Variants in MYO3B observed in about 807,000 individuals in gnomAD.
The protein encoded by MYO3B is myosin-IIIb.
MYO3B carries 156 observed loss-of-function variants against 174.6 expected under a neutral mutation model. The observed-to-expected ratio is 0.89, with a 90% confidence interval of 0.78 to 1.02. The LOEUF is 1.02. Ranked by LOEUF, MYO3B falls within the 50% of genes least tolerant of loss-of-function variation. The pLI is 0.00. For synonymous variants in MYO3B, 563 were observed against 569.1 expected (o/e 0.99, Z 0.15); for missense variants, 1,632 against 1,639.4 (o/e 1.00, Z 0.08).
At chr2:170,624,415 T>G (rs189892144) in intron 32 of MYO3B, among the ~76,000 whole-genome samples, 182 of 152,346 alleles carry the variant, frequency 1.2e-3, no homozygotes, top group African/African-American at 4.2e-3. Context: ...ACGTTGATTT[T>G]GTATCCTGAG....
intron 32 of MYO3B, chr2:170,640,340 G>A (rs1404618827): frequency 1.3e-5 from 2 of 152,152 alleles, no homozygotes; most frequent in South Asian, 2.1e-4. Flanking sequence ...TAATGCCTCT[G>A]GCACCATGTT....
At chr2:170,301,514 A>T (rs1441972935) in intron 7 of MYO3B, among the ~76,000 whole-genome samples, 2 of 152,174 alleles carry the variant, frequency 1.3e-5, no homozygotes, top group African/African-American at 4.8e-5. Flanking sequence ...ATTTCTCTCC[A>T]TTCACACTCT....
intron 34 of MYO3B, 105 bp downstream of exon 34, chr2:170,652,259 A>G (rs1699061605): frequency 2.1e-6 from 2 of 932,554 alleles, no homozygotes; most frequent in Non-Finnish European, 3.3e-6. Flanking sequence ...AAAATATGCA[A>G]TCCAGATATT....
At chr2:170,225,521 C>A (rs1420972329) in intron 6 of MYO3B, among the ~76,000 whole-genome samples, 1 of 151,952 alleles carries the variant, frequency 6.6e-6, no homozygotes, top group Non-Finnish European at 1.5e-5. Context: ...TAATTAATGC[C>A]CAAGAGAAGG....
chr2:170,499,886 T>C (rs1687127635), intron 27 of MYO3B, 78 bp downstream of exon 27: 2 of 1,409,502 alleles, frequency 1.4e-6, no homozygotes, highest in East Asian at 2.3e-5. Context: ...CAACTGTTTC[T>C]CTTCTAAGTG....
chr2:170,231,030 C>T (rs561919427), intron 6 of MYO3B, among the ~76,000 whole-genome samples: 17 of 152,188 alleles, frequency 1.1e-4, no homozygotes, highest in Non-Finnish European at 2.2e-4. Flanking sequence ...TTTTCTCTGC[C>T]ATTTTCTGGC....
In MYO3B at chr2:170,310,686, A is replaced by AAAAAAAAAAG. The variant is rs1394362887; in HGVS notation, c.750-24698_750-24697insAAAAAAAAGA. On this transcript the variant is annotated intron_variant, in intron 7 of 34. Coordinates refer to ENST00000408978, the MANE Select transcript of MYO3B (RefSeq NM_138995.5). ...ATCTCAAAAAAAAAAAAAAAAAAAAAAGAAATACATTGGTTTGGTCCAGAA... is the reference window on the plus strand; with the variant it reads ...ATCTCAAAAAAAAAAAAAAAAAAAAAAAAAAAAAAGAGAAATACATTGGTTTGGTCCAGAA... 1.3e-3 allele frequency among the ~76,000 whole-genome samples: 202 copies of AAAAAAAAAAG among 150,932 alleles called. 2 individuals carry two copies. Among genetic ancestry groups the AAAAAAAAAAG allele is most frequent in the African/African-American group, 4.7e-3 (193 of 40,846 alleles).
chr2:170,328,526 G>A (rs955400472), intron 7 of MYO3B, among the ~76,000 whole-genome samples: 7 of 151,860 alleles, frequency 4.6e-5, no homozygotes, highest in Non-Finnish European at 8.8e-5. Flanking sequence ...TTCTCTCTTT[G>A]CATTCAAGTT....
At chr2:170,487,166 C>T (rs998515484) in intron 25 of MYO3B, among the ~76,000 whole-genome samples, 5 of 152,206 alleles carry the variant, frequency 3.3e-5, no homozygotes, top group Admixed American at 6.5e-5. Context: ...TGTTTTTAAG[C>T]TCCACGTTCC....
intron 3 of MYO3B, among the ~76,000 whole-genome samples, chr2:170,211,307 G>A (rs1033644037): frequency 1.3e-5 from 2 of 152,124 alleles, no homozygotes; most frequent in African/African-American, 4.8e-5. Context: ...AAAGCATAAA[G>A]GCCTTTTAAA....
chr2:170,302,265 A>C (rs2093670803), intron 7 of MYO3B, among the ~76,000 whole-genome samples: 1 of 152,208 alleles, frequency 6.6e-6, no homozygotes, highest in South Asian at 2.1e-4. Context: ...TTACTCCACA[A>C]GGCATTTTCT....
chr2:170,594,266 A>G lies in MYO3B; in HGVS notation c.3733+50278A>G, dbSNP rs544378222. Among the ~76,000 whole-genome samples the G allele has an allele frequency of 1.6e-3, 244 of 151,950 alleles. 5 individuals are homozygous for G. Among genetic ancestry groups the G allele is most frequent in the Non-Finnish European group, 5.9e-5 (4 of 67,996 alleles). On this transcript the variant is annotated intron_variant, in intron 32 of 34. Coordinates refer to ENST00000408978, the MANE Select transcript of MYO3B (RefSeq NM_138995.5). The stretch of plus-strand genomic sequence containing the variant: ...CTCCTGCCCTGTCATTTCTACCACC[A>G]CCGCCATGGCCAAGTAGAGGAAGGC...
At chr2:170,328,352 C>G (rs566547733) in intron 7 of MYO3B, among the ~76,000 whole-genome samples, 38 of 152,182 alleles carry the variant, frequency 2.5e-4, no homozygotes, top group Non-Finnish European at 4.0e-4. Context: ...TCGAACCACT[C>G]AAGGTCACTA....
chr2:170,453,149 G>T (rs1559015815), intron 23 of MYO3B, among the ~76,000 whole-genome samples: 1 of 152,134 alleles, frequency 6.6e-6, no homozygotes, highest in Non-Finnish European at 1.5e-5. Flanking sequence ...AACAACATGA[G>T]AAACTTCATC....
chr2:170,207,969 G>A (rs2092731769), intron 3 of MYO3B, among the ~76,000 whole-genome samples: 2 of 152,122 alleles, frequency 1.3e-5, no homozygotes, highest in African/African-American at 4.8e-5. Context: ...GTCTGGGGGT[G>A]GGAGTATCCA....
chr2:170,307,358 C>T (rs1199435525), intron 7 of MYO3B, among the ~76,000 whole-genome samples: 2 of 151,702 alleles, frequency 1.3e-5, no homozygotes, highest in East Asian at 3.9e-4. Context: ...GTACTTTCAC[C>T]AAAGAACAGG....
intron 25 of MYO3B, among the ~76,000 whole-genome samples, chr2:170,486,739 G>A (rs1443641248): frequency 6.6e-6 from 1 of 152,138 alleles, no homozygotes; most frequent in Non-Finnish European, 1.5e-5. Flanking sequence ...GCGTCCCATT[G>A]AATAGATTCA....
At chr2:170,514,218 C>G (rs1318335628) in intron 28 of MYO3B, among the ~76,000 whole-genome samples, 3 of 152,172 alleles carry the variant, frequency 2.0e-5, no homozygotes, top group Non-Finnish European at 2.9e-5. Context: ...CATCTTCAGC[C>G]GCTCGTGACC....
At chr2:170,248,136 G>A (rs531487666) in intron 7 of MYO3B, among the ~76,000 whole-genome samples, 1 of 152,068 alleles carries the variant, frequency 6.6e-6, no homozygotes, top group Non-Finnish European at 1.5e-5. Context: ...GTCTTGATTG[G>A]CAAGACCCCT....
Sources: allele counts gnomAD v4.1 joint callset (sites outside exome capture counted in the v4.1 genomes callset), GRCh38; gene constraint gnomAD v4.1.1; transcripts MANE v1.5; gene names NCBI Gene and HGNC (gene_info 2026-07-23, HGNC 2026-07-21).